The following SMAGP variants were observed in gnomAD, a reference collection of about 807,000 sequenced individuals.
SMAGP encodes the protein small cell transmembrane and glycosylated protein.
SMAGP carries 7 observed loss-of-function variants against 10.1 expected under a neutral mutation model. The observed-to-expected ratio is 0.70, with a 90% CI of 0.40 to 1.31. The LOEUF (loss-of-function observed/expected upper bound fraction) is 1.31, where lower values mean the gene tolerates loss of function less well. SMAGP is among the 50% of genes most tolerant of loss of function. The probability of loss-of-function intolerance (pLI) is 0.01; values close to 1 mark genes in which losing one functional copy is unlikely to be tolerated. For synonymous variants in SMAGP, 49 were observed against 47.2 expected (o/e 1.04, Z -0.16); for missense variants, 113 against 116.5 (o/e 0.97, Z 0.14).
chr12:51,259,499 G>A (rs1944914638), intron 2 of SMAGP, among the ~76,000 whole-genome samples: 1 of 152,130 alleles, frequency 6.6e-6, no homozygotes, highest in South Asian at 2.1e-4. Context: ...CTGAAGAAAT[G>A]CACCAAACTG....
rs1944748106 is a variant in SMAGP, at chr12:51,245,026, A to AC, written c.*914dup. On this transcript the variant is annotated 3_prime_UTR_variant, in exon 4 of 4. Coordinates refer to ENST00000603798, the MANE Select transcript of SMAGP (RefSeq NM_001031628.2). ...ATATTTTTAGTAGAGACGGGGTTTCACCGTGTTAGCCAGGATGGTCTCGAT... is the reference window on the plus strand; with the variant it reads ...ATATTTTTAGTAGAGACGGGGTTTCACCCGTGTTAGCCAGGATGGTCTCGAT... 1 of 151,594 alleles carries AC rather than the reference A, an allele frequency of 6.6e-6. No homozygotes were observed. The highest frequency in any genetic ancestry group is 2.4e-5 in the African/African-American group (1 of 41,188). The allele number at this position is 151,594 out of a possible 1,614,324, so 9.4% of individuals were successfully genotyped here.
chr12:51,246,292 A>G, intron 3 of SMAGP, 173 bp from the exon 4 acceptor site: 1 of 908,940 alleles, frequency 1.1e-6, no homozygotes, highest in South Asian at 1.9e-5. Flanking sequence ...TCCATGGCAC[A>G]TAATAGCTGG....
At chr12:51,257,236 T>C (rs973214004) in intron 2 of SMAGP, among the ~76,000 whole-genome samples, 31 of 152,088 alleles carry the variant, frequency 2.0e-4, no homozygotes, top group African/African-American at 7.2e-4. Context: ...ACAAGAGTCC[T>C]TGAAGGGATG....
At chr12:51,246,487 C>T (rs1338831381) in intron 3 of SMAGP, 3 of 445,192 alleles carry the variant, frequency 6.7e-6, no homozygotes, top group Non-Finnish European at 1.2e-5. Context: ...CCACATATAT[C>T]CTCGTCCCTA....
chr12:51,246,291 C>T, intron 3 of SMAGP, 172 bp from the exon 4 acceptor site: 1 of 917,870 alleles, frequency 1.1e-6, no homozygotes, highest in Non-Finnish European at 1.6e-6. Context: ...TTCCATGGCA[C>T]ATAATAGCTG....
chr12:51,270,012 G>A (rs1263941383), intron 1 of SMAGP: 1 of 151,664 alleles, frequency 6.6e-6, no homozygotes, highest in Non-Finnish European at 1.5e-5. Flanking sequence ...TCCTCGCCCC[G>A]CGGCCCCGCC....
intron 2 of SMAGP, among the ~76,000 whole-genome samples, chr12:51,263,220 T>A (rs1386695658): frequency 6.6e-6 from 1 of 151,842 alleles, no homozygotes; most frequent in Non-Finnish European, 1.5e-5. Context: ...CTGTCTCTAC[T>A]AAAAATACAA....
In SMAGP at chr12:51,244,575, A is replaced by G. The variant is rs553352502; in HGVS notation, c.*1366T>C. The stretch of plus-strand genomic sequence containing the variant: ...GCAATACATTAAGACTTCAAAGGAG[A>G]TCTAGCTTTAATTCCAAAGTGAACA... On this transcript the variant is annotated 3_prime_UTR_variant, in exon 4 of 4. Coordinates refer to ENST00000603798, the MANE Select transcript of SMAGP (RefSeq NM_001031628.2). 6.6e-6 allele frequency: 1 copy of G among 152,354 alleles called. No homozygotes were observed. Among genetic ancestry groups the G allele is most frequent in the East Asian group, 1.9e-4 (1 of 5,194 alleles). 9.4% of individuals were successfully genotyped at this position (152,354 alleles called of 1,614,324 possible). A position where few individuals can be genotyped will look rare whatever the true frequency, so the allele number is the denominator to read the frequency against.
intron 2 of SMAGP, 83 bp downstream of exon 2, chr12:51,269,162 G>A: frequency 6.6e-7 from 1 of 1,517,106 alleles, no homozygotes; most frequent in Admixed American, 1.7e-5. Flanking sequence ...CTTCCCACCT[G>A]GGCTGAGGCT....
At chr12:51,266,506 A>T (rs1479073318) in intron 2 of SMAGP, among the ~76,000 whole-genome samples, 1 of 151,790 alleles carries the variant, frequency 6.6e-6, no homozygotes, top group Non-Finnish European at 1.5e-5. Flanking sequence ...GGTTTCTAAG[A>T]TCTATAGTAA....
At position 51,244,573 on chromosome 12, in the gene SMAGP, A is replaced by G. The variant is rs1592229380; in HGVS notation, c.*1368T>C. 6.6e-6 allele frequency: 1 copy of G among 152,240 alleles called. No homozygotes were observed. Among genetic ancestry groups the G allele is most frequent in the Non-Finnish European group, 1.5e-5 (1 of 68,036 alleles). 9.4% of individuals were successfully genotyped at this position (152,240 alleles called of 1,614,324 possible). ...AGGCAATACATTAAGACTTCAAAGG[A>G]GATCTAGCTTTAATTCCAAAGTGAA... On this transcript the variant is annotated 3_prime_UTR_variant, in exon 4 of 4. Transcript: ENST00000603798.
At chr12:51,246,886 G>A in intron 2 of SMAGP, 55 bp from the exon 3 acceptor site, 2 of 1,388,576 alleles carry the variant, frequency 1.4e-6, no homozygotes, top group African/African-American at 1.5e-5. Flanking sequence ...TTGTTTGAAA[G>A]CATATGTTTG....
intron 2 of SMAGP, among the ~76,000 whole-genome samples, chr12:51,265,469 C>A (rs1592237883): frequency 6.6e-6 from 1 of 152,330 alleles, no homozygotes; most frequent in African/African-American, 2.4e-5. Flanking sequence ...AGCAACTCAA[C>A]TGTCCATCAT....
intron 2 of SMAGP, among the ~76,000 whole-genome samples, chr12:51,248,084 G>A (rs921079061): frequency 2.0e-5 from 3 of 151,858 alleles, no homozygotes; most frequent in Admixed American, 1.3e-4. Flanking sequence ...TGGCCCGAGC[G>A]CGGTGTGAGC....
At chr12:51,267,691 C>T (rs1172807095) in intron 2 of SMAGP, among the ~76,000 whole-genome samples, 2 of 152,012 alleles carry the variant, frequency 1.3e-5, no homozygotes, top group Admixed American at 6.6e-5. Context: ...GATGGGGTTT[C>T]GCCATGTTGC....
At chr12:51,267,567 C>T (rs1243029903) in intron 2 of SMAGP, among the ~76,000 whole-genome samples, 1 of 147,622 alleles carries the variant, frequency 6.8e-6, no homozygotes, top group Non-Finnish European at 1.5e-5. Flanking sequence ...GATCTCGGCT[C>T]ATTGCAACCT....
At chr12:51,257,917 A>G (rs994740901) in intron 2 of SMAGP, among the ~76,000 whole-genome samples, 3 of 152,150 alleles carry the variant, frequency 2.0e-5, no homozygotes, top group Admixed American at 1.3e-4. Context: ...TGAGAGTCCA[A>G]TGTGGGAGGA....
At chr12:51,253,522 C>G (rs973380848) in intron 2 of SMAGP, 1 of 151,690 alleles carries the variant, frequency 6.6e-6, no homozygotes, top group African/African-American at 2.4e-5. Flanking sequence ...GTGAAATAAC[C>G]CAAATGTCCA....
At chr12:51,260,367 T>TG (rs1555167334) in intron 2 of SMAGP, among the ~76,000 whole-genome samples, 3 of 149,438 alleles carry the variant, frequency 2.0e-5, no homozygotes, top group South Asian at 2.1e-4. Flanking sequence ...GATTGTTTTT[T>TG]TTGTTGTTGT....
Sources: allele counts gnomAD v4.1 joint callset (sites outside exome capture counted in the v4.1 genomes callset), GRCh38; gene constraint gnomAD v4.1.1; transcripts MANE v1.5; gene names NCBI Gene and HGNC (gene_info 2026-07-23, HGNC 2026-07-21).